ACTN4: variants seen among roughly 807,000 people sequenced by gnomAD.
ACTN4 encodes the protein actinin alpha 4, also known as alpha-actinin-4.
In ACTN4, 18 loss-of-function variants were observed where a neutral mutation model predicts 114.2. The ratio of observed to expected loss-of-function variants is 0.16; its 90% CI spans 0.11 to 0.23. The LOEUF is 0.23. Ranked by LOEUF, ACTN4 falls within the 10% of genes least tolerant of loss-of-function variation. The probability of loss-of-function intolerance (pLI) is 1.00; values close to 1 mark genes in which losing one functional copy is unlikely to be tolerated. For synonymous variants in ACTN4, 515 were observed against 506.3 expected (o/e 1.02, Z -0.23); for missense variants, 722 against 1,262.9 (o/e 0.57, Z 6.49).
chr19:38,713,157 G>A (rs1009983333), intron 8 of ACTN4, among the ~76,000 whole-genome samples: 2 of 152,160 alleles, frequency 1.3e-5, no homozygotes, highest in Non-Finnish European at 2.9e-5. Flanking sequence ...CAGGTCTAGC[G>A]CCAGTGTGCC....
chr19:38,706,644 C>T (rs1448521767), intron 5 of ACTN4, among the ~76,000 whole-genome samples: 1 of 152,204 alleles, frequency 6.6e-6, no homozygotes, highest in Non-Finnish European at 1.5e-5. Flanking sequence ...GACTTGAACT[C>T]CTGAGCTCAA....
intron 1 of ACTN4, among the ~76,000 whole-genome samples, chr19:38,668,398 C>T (rs1042807008): frequency 2.0e-5 from 3 of 152,116 alleles, no homozygotes; most frequent in Admixed American, 6.6e-5. Context: ...AAAAGATGGA[C>T]GATGAAGGGC....
At chr19:38,673,784 A>ATTTTTTT (rs58144950) in intron 1 of ACTN4, among the ~76,000 whole-genome samples, 1 of 67,846 alleles carries the variant, frequency 1.5e-5, no homozygotes, top group Admixed American at 2.1e-4. Context: ...TATATGTATA[A>ATTTTTTT]TTTTTTTTTT....
chr19:38,693,163 C>T (rs923126638), intron 1 of ACTN4, among the ~76,000 whole-genome samples: 3 of 152,122 alleles, frequency 2.0e-5, no homozygotes, highest in East Asian at 1.9e-4. Context: ...TCTTGTCAAG[C>T]GTGGGGTCCG....
chr19:38,725,945 C>T, intron 17 of ACTN4, 42 bp downstream of exon 17: 3 of 1,609,574 alleles, frequency 1.9e-6, no homozygotes, highest in Non-Finnish European at 1.7e-6. Flanking sequence ...ACCAGCATGG[C>T]CGGCTTCCTC....
intron 3 of ACTN4, 67 bp from the exon 4 acceptor site, chr19:38,704,867 G>A (rs1394432293): frequency 2.0e-6 from 3 of 1,475,418 alleles, no homozygotes; most frequent in African/African-American, 2.8e-5. Context: ...CCACCTTCAG[G>A]TTGGGCGGAG....
chr19:38,669,523 T>G (rs1471309482), intron 1 of ACTN4, among the ~76,000 whole-genome samples: 1 of 152,114 alleles, frequency 6.6e-6, no homozygotes, highest in Non-Finnish European at 1.5e-5. Flanking sequence ...AAGCATGCTG[T>G]TTTTACTTAG....
chr19:38,701,852 A>G (rs570005580), intron 3 of ACTN4, among the ~76,000 whole-genome samples: 2 of 152,322 alleles, frequency 1.3e-5, no homozygotes, highest in South Asian at 4.1e-4. Context: ...CCTGACATCC[A>G]TGTTGTCCCA....
chr19:38,723,646 A>G lies in ACTN4; in HGVS notation c.1475A>G (p.Asn492Ser). The G allele has an allele frequency of 6.2e-7, 1 of 1,613,458 alleles. No homozygotes were observed. Among genetic ancestry groups the G allele is most frequent in the Non-Finnish European group, 8.5e-7 (1 of 1,179,818 alleles). Residue 492 changes from asparagine to serine, a missense_variant, in exon 13 of 21, where the codon AAC (asparagine) becomes AGC (serine). Asn to Ser is a conservative substitution (Grantham distance 46). Around this residue, in one of 3 missense-constraint regions of ACTN4, gnomAD observed 523 missense variants for 875.9 expected, o/e 0.60. Transcript: ENST00000252699. ...GATTACTACGACTCCCACAATGTCA[A>G]CACCCGGTGCCAGAAGATCTGTGAC... ...ELDYYDSHNV[N>S]TRCQKICDQW...
At position 38,727,979 on chromosome 19, in the gene ACTN4, A is replaced by G. The variant is rs1238632930; in HGVS notation, c.2371A>G (p.Lys791Glu). The G allele has an allele frequency of 6.2e-7, 1 of 1,612,734 alleles. No homozygotes were observed. The highest frequency in any genetic ancestry group is 1.7e-5 in the Admixed American group (1 of 59,992). Residue 791 changes from lysine to glutamate, a missense_variant, in exon 19 of 21, where the codon AAG becomes GAG. Physicochemically the swap from Lys to Glu is moderately conservative, Grantham distance 56. Around this residue, in one of 3 missense-constraint regions of ACTN4, gnomAD observed 523 missense variants for 875.9 expected, o/e 0.60. Coordinates refer to ENST00000252699, the MANE Select transcript of ACTN4 (RefSeq NM_004924.6). This position sits in a 1 kb window ranked among gnomAD's most constrained non-coding sequence, Gnocchi z 5.4. ...CGGGGCGCTGGGGCCCGAGGAGTTC[A>G]AGGCCTGCCTCATCAGCCTGGGCTA... ...HGGALGPEEF[K>E]ACLISLGYDV...
At position 38,659,065 on chromosome 19, in the gene ACTN4, C is replaced by CTTTTTTTTCT. The variant is rs1555822761; in HGVS notation, c.162+11166_162+11167insCTTTTTTTTT. On this transcript the variant is annotated intron_variant, in intron 1 of 20. Coordinates refer to ENST00000252699, the MANE Select transcript of ACTN4 (RefSeq NM_004924.6). ...TAACTTTTTTTTCTTCTTTTCTTTTCTTTTTTTTTTTTTGAGACGGAGTCT... is the reference window on the plus strand; with the variant it reads ...TAACTTTTTTTTCTTCTTTTCTTTTCTTTTTTTTCTTTTTTTTTTTTTTGAGACGGAGTCT... 2.1e-4 allele frequency among the ~76,000 whole-genome samples: 23 copies of CTTTTTTTTCT among 111,692 alleles called. 1 individual carries two copies. The highest frequency in any genetic ancestry group is 6.8e-4 in the African/African-American group (21 of 30,784). 73.3% of individuals were successfully genotyped at this position (111,692 alleles called of 152,430 possible).
chr19:38,708,757 G>A (rs1270566847), intron 6 of ACTN4, among the ~76,000 whole-genome samples: 1 of 152,242 alleles, frequency 6.6e-6, no homozygotes, highest in African/African-American at 2.4e-5. Flanking sequence ...TCAGTGCTGC[G>A]GAGGAGGCTA....
At chr19:38,661,745 C>T (rs1423626468) in intron 1 of ACTN4, among the ~76,000 whole-genome samples, 1 of 152,184 alleles carries the variant, frequency 6.6e-6, no homozygotes, top group African/African-American at 2.4e-5. Context: ...CTCCACCTCC[C>T]AGGTTCACGC....
At chr19:38,711,854 G>C (rs1360675830) in intron 8 of ACTN4, among the ~76,000 whole-genome samples, 7 of 152,212 alleles carry the variant, frequency 4.6e-5, no homozygotes, top group Non-Finnish European at 5.9e-5. Context: ...CCCTCCAGAG[G>C]CCAGGCAGAG....
intron 1 of ACTN4, among the ~76,000 whole-genome samples, chr19:38,678,167 G>A (rs1032887848): frequency 1.3e-5 from 2 of 152,242 alleles, no homozygotes; most frequent in Non-Finnish European, 2.9e-5. Flanking sequence ...TGTCCGGGCA[G>A]CAGGGACACA....
At chr19:38,672,637 G>A (rs995425142) in intron 1 of ACTN4, among the ~76,000 whole-genome samples, 1 of 151,432 alleles carries the variant, frequency 6.6e-6, no homozygotes, top group Admixed American at 6.6e-5. Flanking sequence ...GTAATGGCAC[G>A]ATCTCGGCTC....
At chr19:38,656,643 A>C (rs1976719567) in intron 1 of ACTN4, among the ~76,000 whole-genome samples, 1 of 152,238 alleles carries the variant, frequency 6.6e-6, no homozygotes, top group Admixed American at 6.5e-5. Context: ...CAATGAAGTC[A>C]TCTTGGGAAA....
chr19:38,727,123 C>T lies in ACTN4; in HGVS notation c.2337+20C>T. On this transcript the variant is annotated intron_variant, in intron 18 of 20. Coordinates refer to ENST00000252699, the MANE Select transcript of ACTN4 (RefSeq NM_004924.6). The surrounding 1 kb of genome is among the most constrained non-coding windows in gnomAD (Gnocchi z 5.4). ...GACAAGGTGAGCAGCCTGCCACCTC[C>T]TCGGCCTCTCCCCTCCCGCCGTTGC... The T allele has an allele frequency of 6.2e-7, 1 of 1,613,476 alleles. No homozygotes were observed.
chr19:38,719,437 A>G (rs1305563022), intron 11 of ACTN4, among the ~76,000 whole-genome samples: 1 of 152,182 alleles, frequency 6.6e-6, no homozygotes, highest in African/African-American at 2.4e-5. Context: ...ACATGAGCTC[A>G]GCTCGCCATT....
Sources: allele counts gnomAD v4.1 joint callset (sites outside exome capture counted in the v4.1 genomes callset), GRCh38; gene constraint gnomAD v4.1.1; regional missense constraint gnomAD v4.1.1; non-coding constraint Gnocchi (gnomAD v3.1); transcripts MANE v1.5; gene names NCBI Gene and HGNC (gene_info 2026-07-23, HGNC 2026-07-21).